RAPGEF6: variants seen among roughly 807,000 people sequenced by gnomAD.
RAPGEF6 encodes the protein Rap guanine nucleotide exchange factor 6.
Under a neutral mutation model 171.4 loss-of-function variants are expected in RAPGEF6, and 56 were observed. That is an observed-to-expected ratio of 0.33 (90% confidence interval 0.26 to 0.41). RAPGEF6 has a LOEUF of 0.41. Among genes scored for constraint, RAPGEF6 ranks in the 10% least tolerant of loss-of-function variants. The pLI is 1.00. For synonymous variants in RAPGEF6, 692 were observed against 650.1 expected, an observed-to-expected ratio of 1.06 and a Z score of -0.98; for missense variants, 1,674 against 1,921.4, an observed-to-expected ratio of 0.87 and a Z score of 2.41.
rs1580911130 is a variant in RAPGEF6 at position 131,492,625 on chromosome 5, G to A, written c.1688C>T (p.Pro563Leu). 1.2e-6 allele frequency: 2 copies of A among 1,614,138 alleles called. No individual in the cohort carries two copies. Among genetic ancestry groups the A allele is most frequent in the African/African-American group, 1.3e-5 (1 of 75,020 alleles). Residue 563 changes from proline to leucine, a missense_variant, in exon 14 of 28, where the codon CCT (proline) becomes CTT (leucine). Physicochemically the swap from Pro to Leu is moderately conservative, Grantham distance 98. Coordinates refer to ENST00000509018, the MANE Select transcript of RAPGEF6 (RefSeq NM_016340.6). ...TCCTGAATCAGCAGCTTTGCTACCAGGTTCTACTCCTTCAACAAAAATACC... is the reference window on the plus strand; with the variant it reads ...TCCTGAATCAGCAGCTTTGCTACCAAGTTCTACTCCTTCAACAAAAATACC... Reference protein sequence around the residue: ...GFGIFVEGVEPGSKAADSGLK... With the variant: ...GFGIFVEGVELGSKAADSGLK...
At chr5:131,584,339 A>C (rs1763127282) in intron 4 of RAPGEF6, among the ~76,000 whole-genome samples, 1 of 152,250 alleles carries the variant, frequency 6.6e-6, no homozygotes, top group Admixed American at 6.5e-5. Flanking sequence ...TATAACCATA[A>C]GAAAATTATG....
intron 7 of RAPGEF6, among the ~76,000 whole-genome samples, chr5:131,519,064 C>G (rs137920982): frequency 6.6e-6 from 1 of 152,148 alleles, no homozygotes. Flanking sequence ...CATATGGATA[C>G]TTTCTGAGGT....
chr5:131,633,692 T>C (rs768992043), intron 1 of RAPGEF6, among the ~76,000 whole-genome samples: 4 of 149,638 alleles, frequency 2.7e-5, no homozygotes, highest in South Asian at 4.3e-4. Flanking sequence ...TATCGCGCCA[T>C]TGCACTCCAG....
intron 13 of RAPGEF6, among the ~76,000 whole-genome samples, chr5:131,493,125 C>T (rs1014172238): frequency 7.2e-5 from 11 of 152,064 alleles, no homozygotes; most frequent in African/African-American, 1.4e-4. Flanking sequence ...AGCACAGTGG[C>T]GCGATCTCGA....
At chr5:131,430,375 CA>C (rs1255225397) in intron 26 of RAPGEF6, among the ~76,000 whole-genome samples, 1 of 152,050 alleles carries the variant, frequency 6.6e-6, no homozygotes, top group Non-Finnish European at 1.5e-5. Flanking sequence ...GGAGTTGGCA[CA>C]CTCATGATGT....
intron 4 of RAPGEF6, among the ~76,000 whole-genome samples, chr5:131,583,288 G>T (rs1048383088): frequency 1.3e-5 from 2 of 152,162 alleles, no homozygotes; most frequent in Non-Finnish European, 2.9e-5. Context: ...CCATTGTGAA[G>T]TTTAGACACA....
chr5:131,558,395 G>T (rs981845068), intron 5 of RAPGEF6, among the ~76,000 whole-genome samples: 2 of 151,488 alleles, frequency 1.3e-5, no homozygotes. Context: ...ATCTTTGACG[G>T]GTTTATCAAT....
intron 6 of RAPGEF6, among the ~76,000 whole-genome samples, chr5:131,543,443 T>G (rs1316642530): frequency 2.6e-5 from 4 of 152,156 alleles, no homozygotes; most frequent in Non-Finnish European, 4.4e-5. Context: ...GAGATGCTAT[T>G]ACAACAGTCC....
At chr5:131,609,936 A>T (rs551729735) in intron 1 of RAPGEF6, among the ~76,000 whole-genome samples, 2 of 152,208 alleles carry the variant, frequency 1.3e-5, no homozygotes, top group Non-Finnish European at 1.5e-5. Flanking sequence ...AAGCAAACAC[A>T]GGAGTATGAT....
At chr5:131,557,543 C>CT (rs569810428) in intron 5 of RAPGEF6, among the ~76,000 whole-genome samples, 1 of 152,220 alleles carries the variant, frequency 6.6e-6, no homozygotes, top group African/African-American at 2.4e-5. Context: ...TTTCCAATCT[C>CT]TTTTTTCCCC....
intron 6 of RAPGEF6, among the ~76,000 whole-genome samples, chr5:131,532,805 C>A (rs1759483331): frequency 6.6e-6 from 1 of 152,172 alleles, no homozygotes. Context: ...TACAGCTCTG[C>A]AGCACTGTTC....
At chr5:131,472,209 C>G in intron 17 of RAPGEF6, 1 of 312,734 alleles carries the variant, frequency 3.2e-6, no homozygotes. Context: ...GTAGCTGGGA[C>G]TACAGGCACC....
At chr5:131,602,014 G>A (rs1004885057) in intron 3 of RAPGEF6, among the ~76,000 whole-genome samples, 1 of 137,588 alleles carries the variant, frequency 7.3e-6, no homozygotes, top group Non-Finnish European at 1.5e-5. Context: ...CAGCCTGGGC[G>A]ACAGAGCGAG....
chr5:131,447,678 T>C (rs1004512479), intron 21 of RAPGEF6, among the ~76,000 whole-genome samples: 1 of 152,234 alleles, frequency 6.6e-6, no homozygotes, highest in Admixed American at 6.5e-5. Flanking sequence ...CATTTTTATA[T>C]AAAAGTATTC....
At chr5:131,447,218 T>G (rs910419874) in intron 21 of RAPGEF6, 1 of 153,782 alleles carries the variant, frequency 6.5e-6, no homozygotes, top group African/African-American at 2.4e-5. Context: ...TAGTAACCAT[T>G]ATTTTGGCCA....
chr5:131,513,668 C>A (rs910936095), intron 7 of RAPGEF6, among the ~76,000 whole-genome samples: 6 of 152,114 alleles, frequency 3.9e-5, no homozygotes, highest in Non-Finnish European at 7.4e-5. Flanking sequence ...TTTTAGGAAC[C>A]TTTTAATACC....
intron 4 of RAPGEF6, among the ~76,000 whole-genome samples, chr5:131,571,485 A>G (rs945873918): frequency 2.0e-5 from 3 of 152,234 alleles, no homozygotes; most frequent in Non-Finnish European, 4.4e-5. Flanking sequence ...AGAATAAGTG[A>G]TTTAATAAGG....
At chr5:131,460,812 T>TA (rs1322893877) in intron 19 of RAPGEF6, among the ~76,000 whole-genome samples, 1 of 152,170 alleles carries the variant, frequency 6.6e-6, no homozygotes, top group Non-Finnish European at 1.5e-5. Context: ...GGGTCATGAA[T>TA]AAAGAGTCCC....
chr5:131,600,767 A>G (rs1176478820), intron 3 of RAPGEF6, among the ~76,000 whole-genome samples: 1 of 152,204 alleles, frequency 6.6e-6, no homozygotes, highest in Admixed American at 6.5e-5. Context: ...ATCAAAAGTA[A>G]AACTCAATTC....
Sources: gnomAD v4.1 joint callset for allele counts (sites outside exome capture counted in the v4.1 genomes callset) on GRCh38, gnomAD v4.1.1 for gene constraint, MANE v1.5 for transcripts, NCBI Gene and HGNC (gene_info 2026-07-23, HGNC 2026-07-21) for gene names.